Variants in NELL1 observed in about 807,000 individuals in gnomAD.
NELL1 encodes the protein neural EGFL like 1, also known as protein kinase C-binding protein NELL1.
A neutral mutation model predicts 107.4 loss-of-function variants in NELL1; 76 were observed. The ratio of observed to expected loss-of-function variants is 0.71; its 90% confidence interval spans 0.59 to 0.86. The LOEUF (loss-of-function observed/expected upper bound fraction) is 0.86, where lower values mean the gene tolerates loss of function less well. Among genes scored for constraint, NELL1 ranks in the 40% least tolerant of loss-of-function variants. The probability of loss-of-function intolerance (pLI) is 0.00; values close to 1 mark genes in which losing one functional copy is unlikely to be tolerated. For missense variants in NELL1, 1,024 were observed against 1,005.5 expected (o/e 1.02, Z -0.25); for synonymous variants, 353 against 341.2 (o/e 1.03, Z -0.38).
At chr11:20,795,267 C>T (rs1266607638) in intron 3 of NELL1, among the ~76,000 whole-genome samples, 2 of 151,972 alleles carry the variant, frequency 1.3e-5, no homozygotes. Flanking sequence ...CTTAAGTGGG[C>T]AGATAAAACG....
chr11:20,882,363 A>C (rs1180148325), intron 4 of NELL1, among the ~76,000 whole-genome samples: 1 of 152,160 alleles, frequency 6.6e-6, no homozygotes, highest in Non-Finnish European at 1.5e-5. Context: ...TGCATGTGTG[A>C]ATTTTTAGTT....
intron 2 of NELL1, among the ~76,000 whole-genome samples, chr11:20,755,637 C>A (rs571915157): frequency 6.7e-6 from 1 of 149,910 alleles, no homozygotes; most frequent in East Asian, 2.0e-4. Context: ...CTCACTGCAA[C>A]CTCTGTCTCC....
chr11:21,309,266 A>ATATATATATGTGTG (rs1554999457), intron 14 of NELL1, among the ~76,000 whole-genome samples: 5 of 38,084 alleles, frequency 1.3e-4, no homozygotes, highest in African/African-American at 4.0e-4. Flanking sequence ...ATATGTATAT[A>ATATATATATGTGTG]TATATATATA....
intron 2 of NELL1, among the ~76,000 whole-genome samples, chr11:20,694,303 T>A (rs532441977): frequency 1.2e-4 from 19 of 152,226 alleles, no homozygotes; most frequent in South Asian, 8.3e-4. Context: ...GTTTTTCTTG[T>A]GATTGCTTTT....
intron 2 of NELL1, among the ~76,000 whole-genome samples, chr11:20,690,350 C>T (rs1219727158): frequency 1.2e-4 from 19 of 152,334 alleles, no homozygotes; most frequent in Non-Finnish European, 2.8e-4. Context: ...GACATGAAGT[C>T]CTTGCCCATG....
At chr11:21,524,605 C>T (rs932165098) in intron 15 of NELL1, among the ~76,000 whole-genome samples, 41 of 151,650 alleles carry the variant, frequency 2.7e-4, no homozygotes, top group African/African-American at 9.7e-4. Context: ...AGCAACCACT[C>T]GAGAGAGTGC....
chr11:20,963,322 G>T (rs1049179682), intron 12 of NELL1, among the ~76,000 whole-genome samples: 5 of 151,982 alleles, frequency 3.3e-5, no homozygotes, highest in Admixed American at 6.6e-5. Context: ...TCAGACCCAG[G>T]TTACACCACT....
chr11:20,701,271 A>C (rs1854777700), intron 2 of NELL1, among the ~76,000 whole-genome samples: 2 of 152,046 alleles, frequency 1.3e-5, no homozygotes, highest in Non-Finnish European at 2.9e-5. Flanking sequence ...CATGATGAGC[A>C]TTTTTTCATG....
rs548149204 is a variant in NELL1, at chr11:20,723,789, G to A, written c.184+45729G>A. The stretch of plus-strand genomic sequence containing the variant: ...CACACTGGCCTAGCAGAGGTTTTCC[G>A]TGAGGGCTCTGCCCCTGCAGTAGAA... On this transcript the variant is annotated intron_variant, in intron 2 of 19. Coordinates refer to ENST00000357134, the MANE Select transcript of NELL1 (RefSeq NM_006157.5). Among the ~76,000 whole-genome samples the A allele has an allele frequency of 4.2e-4, 64 of 152,258 alleles. 1 individual carries two copies. Among genetic ancestry groups the A allele is most frequent in the Middle Eastern group, 3.4e-3 (1 of 294 alleles).
At chr11:21,121,391 G>A (rs1855364866) in intron 13 of NELL1, among the ~76,000 whole-genome samples, 1 of 152,162 alleles carries the variant, frequency 6.6e-6, no homozygotes, top group Non-Finnish European at 1.5e-5. Context: ...GACAATGACT[G>A]TGAGGTATCT....
rs1199750649 is a variant in NELL1 at position 20,783,681 on chromosome 11, C to A, written c.186C>A (p.Asp62Glu). The change falls in exon 3 of 20, where the codon GAC becomes GAA. Residue 62 changes from aspartate to glutamate, a missense_variant and splice_region_variant. Asp to Glu is a conservative substitution (Grantham distance 45). Transcript: ENST00000357134. ...CCTGCTTTTCTTCTTGATTCCTAGA[C>A]ATAGAAAGAGAGATCCATGCAGCTC... ...HNASKAFLFQ[D>E]IEREIHAAPH... is the part of the protein sequence containing the mutation. 1 of 1,611,608 alleles carries A rather than the reference C, an allele frequency of 6.2e-7. No homozygotes were observed. The highest frequency in any genetic ancestry group is 8.5e-7 in the Non-Finnish European group (1 of 1,178,728).
intron 12 of NELL1, among the ~76,000 whole-genome samples, chr11:21,055,905 A>T (rs1023168401): frequency 6.6e-6 from 1 of 152,176 alleles, no homozygotes; most frequent in Non-Finnish European, 1.5e-5. Context: ...GAGGATGGGA[A>T]AGGAGGGCTA....
intron 14 of NELL1, among the ~76,000 whole-genome samples, chr11:21,346,892 A>T (rs1183171765): frequency 1.3e-5 from 2 of 152,180 alleles, no homozygotes; most frequent in African/African-American, 2.4e-5. Flanking sequence ...GGTAACTTAC[A>T]GAACCTCTAT....
intron 12 of NELL1, among the ~76,000 whole-genome samples, chr11:21,063,339 T>G (rs1853788738): frequency 6.6e-6 from 1 of 152,114 alleles, no homozygotes; most frequent in Non-Finnish European, 1.5e-5. Context: ...GTCCAGAGGT[T>G]TTATTGGAGT....
chr11:20,746,365 C>T lies in NELL1; in HGVS notation c.185-37315C>T, dbSNP rs867348196. 3.3e-5 allele frequency among the ~76,000 whole-genome samples: 5 copies of T among 152,156 alleles called. No homozygotes were observed. In the South Asian group the frequency reaches 1.0e-3, roughly 32 times the overall value. On this transcript the variant is annotated intron_variant, in intron 2 of 19. Transcript: ENST00000357134. ...ATTTGGAGTCAGACAGATTTGGGTT[C>T]AAATCCTTCTCCCCACTTACTAGGT...
intron 15 of NELL1, among the ~76,000 whole-genome samples, chr11:21,485,797 C>T (rs753629617): frequency 8.5e-5 from 13 of 152,072 alleles, no homozygotes; most frequent in Non-Finnish European, 1.6e-4. Context: ...GACAAGCCTG[C>T]TGTCCTGGTC....
chr11:21,150,521 G>C (rs1010124227), intron 13 of NELL1, among the ~76,000 whole-genome samples: 1 of 152,170 alleles, frequency 6.6e-6, no homozygotes, highest in African/African-American at 2.4e-5. Context: ...TGAAGGCAGT[G>C]GGGGTGGGTG....
chr11:21,396,924 G>T (rs1851995054), intron 15 of NELL1, among the ~76,000 whole-genome samples: 1 of 151,556 alleles, frequency 6.6e-6, no homozygotes, highest in South Asian at 2.1e-4. Flanking sequence ...AGGTGGGATT[G>T]TACTTATTTG....
intron 13 of NELL1, among the ~76,000 whole-genome samples, chr11:21,168,169 A>T (rs1415742682): frequency 1.3e-5 from 2 of 151,860 alleles, no homozygotes; most frequent in Non-Finnish European, 2.9e-5. Context: ...CTAAAGCCAT[A>T]AAAATCACTG....
Sources: allele counts gnomAD v4.1 joint callset (sites outside exome capture counted in the v4.1 genomes callset), GRCh38; gene constraint gnomAD v4.1.1; transcripts MANE v1.5; gene names NCBI Gene and HGNC (gene_info 2026-07-23, HGNC 2026-07-21).